The following HTR3C variants were observed in gnomAD, a reference collection of about 807,000 sequenced individuals.
HTR3C encodes the protein 5-HT3-C.
Under a neutral mutation model 40.5 loss-of-function variants are expected in HTR3C, and 32 were observed. That is an observed-to-expected ratio of 0.79 (90% CI 0.60 to 1.06). The LOEUF (loss-of-function observed/expected upper bound fraction) is 1.06, where lower values mean the gene tolerates loss of function less well. HTR3C is among the 50% of genes least tolerant of loss of function. The pLI, the probability that HTR3C is intolerant of heterozygous loss-of-function variation, is 0.00. For synonymous variants in HTR3C, 209 were observed against 217.1 expected (o/e 0.96, Z 0.33); for missense variants, 523 against 556.8 (o/e 0.94, Z 0.61).
rs756035153 is a variant in HTR3C at position 184,059,597 on chromosome 3, C to T, written c.882C>T (p.Leu294=). The change falls in exon 7 of 9, where the codon CTC becomes CTT. Residue 294 remains leucine (L), a synonymous_variant. Transcript: ENST00000318351. ...TGCTGGGCTACAACGTCTTCCTGCT[C>T]ATGATGAATGACTTGCTCCCTGCCA... ...TLLLGYNVFL[L]MMNDLLPASG... The T allele has an allele frequency of 1.9e-6, 3 of 1,614,128 alleles. No homozygotes were observed. The highest frequency in any genetic ancestry group is 2.2e-5 in the South Asian group (2 of 91,080).
At chr3:184,056,075 G>T (rs1723318604) in intron 3 of HTR3C, 102 bp from the exon 4 acceptor site, 1 of 731,848 alleles carries the variant, frequency 1.4e-6, no homozygotes, top group African/African-American at 1.7e-5. Context: ...GTCACAAATG[G>T]GAGTGGGAGG....
In HTR3C at chr3:184,060,304, C is replaced by T. The variant is rs763176551; in HGVS notation, c.1296C>T (p.Leu432=). ...CCCTGCTCTTCCGCCTCTACCTGCT[C>T]TTCATGGCCTCCTCCATCCTTACTG... ...MDTLLFRLYL[L]FMASSILTVI... is the part of the protein sequence containing the mutation. The change falls in exon 9 of 9, where the codon CTC becomes CTT. Residue 432 remains leucine, a synonymous_variant. Transcript: ENST00000318351. 1.3e-5 allele frequency: 21 copies of T among 1,614,096 alleles called. No individual in the cohort carries two copies. Among genetic ancestry groups the T allele is most frequent in the South Asian group, 3.3e-5 (3 of 91,088 alleles).
In HTR3C at chr3:184,055,884, C is replaced by CAAAAAAA. The variant is rs71185686; in HGVS notation, c.280-270_280-264dup. Among the ~76,000 whole-genome samples the CAAAAAAA allele has an allele frequency of 2.9e-3, 88 of 30,710 alleles. 25 individuals are homozygous for CAAAAAAA. The highest frequency in any genetic ancestry group is 7.4e-3 in the Admixed American group (11 of 1,484). 20.1% of individuals were successfully genotyped at this position (30,710 alleles called of 152,430 possible). ...TCTTAGGAAGGTTGAAATAGCAACT[C>CAAAAAAA]AAAAAAAAAAAAAAAAAAAAAAAAA... is the stretch of plus-strand genomic sequence containing the variant. On this transcript the variant is annotated intron_variant, in intron 3 of 8. Coordinates refer to ENST00000318351, the MANE Select transcript of HTR3C (RefSeq NM_130770.3).
chr3:184,053,293 TAGAA>T (rs941517743), intron 1 of HTR3C, 146 bp downstream of exon 1: 6 of 640,682 alleles, frequency 9.4e-6, no homozygotes, highest in African/African-American at 7.2e-5. Flanking sequence ...TGGTGACAGA[TAGAA>T]AGACAGTTCA....
At chr3:184,057,523 A>G (rs1421177293) in intron 5 of HTR3C, among the ~76,000 whole-genome samples, 1 of 152,218 alleles carries the variant, frequency 6.6e-6, no homozygotes, top group African/African-American at 2.4e-5. Flanking sequence ...ACACGAGGTC[A>G]GGAGATCGAG....
chr3:184,060,584 C>T lies in HTR3C; in HGVS notation c.*232C>T. On this transcript the variant is annotated 3_prime_UTR_variant, in exon 9 of 9. Coordinates refer to ENST00000318351, the MANE Select transcript of HTR3C (RefSeq NM_130770.3). ...GCTCACCCTCAGTCTCCCTGAGCTA[C>T]CACCTAACTCCTCACTCCCTGATCA... 1.7e-6 allele frequency: 1 copy of T among 582,926 alleles called. No homozygotes were observed. Among genetic ancestry groups the T allele is most frequent in the Non-Finnish European group, 3.1e-6 (1 of 327,422 alleles). The allele number at this position is 582,926 out of a possible 1,614,324, so 36.1% of individuals were successfully genotyped here.
chr3:184,055,946 C>T (rs1723315437), intron 3 of HTR3C, among the ~76,000 whole-genome samples: 1 of 136,918 alleles, frequency 7.3e-6, no homozygotes, highest in Non-Finnish European at 1.5e-5. Context: ...TGGTGTGGTC[C>T]TAACTCCAAG....
chr3:184,059,953 C>A lies in HTR3C; in HGVS notation c.1051C>A (p.Leu351Met), dbSNP rs374599768. The A allele has an allele frequency of 2.6e-5, 42 of 1,613,742 alleles. No individual in the cohort carries two copies. The Admixed American group carries it at 3.3e-4, about 13-fold the overall frequency. The change falls in exon 8 of 9, where the codon CTG (leucine) becomes ATG (methionine). Residue 351 changes from leucine to methionine, a missense_variant. Leu to Met is a conservative substitution (Grantham distance 15). Coordinates refer to ENST00000318351, the MANE Select transcript of HTR3C (RefSeq NM_130770.3). Reference sequence around the variant, plus strand: ...CATGCCTAGGTGGCTTCACTCCCTGCTGCTCCACTGCACCAGCCCAGGGAG... The same window carrying A: ...CATGCCTAGGTGGCTTCACTCCCTGATGCTCCACTGCACCAGCCCAGGGAG... ...PPMPRWLHSL[L>M]LHCTSPGRCC...
At chr3:184,059,678 C>T (rs753790660) in intron 7 of HTR3C, 38 bp downstream of exon 7, 1 of 1,610,170 alleles carries the variant, frequency 6.2e-7, no homozygotes, top group South Asian at 1.1e-5. Context: ...GAAAGGGCAC[C>T]CGGGGCCAGG....
chr3:184,053,660 T>C (rs1723267175), intron 1 of HTR3C, among the ~76,000 whole-genome samples: 1 of 152,206 alleles, frequency 6.6e-6, no homozygotes, highest in South Asian at 2.1e-4. Flanking sequence ...ATGATGGCGA[T>C]GGAGCAAAGA....
chr3:184,059,504 C>T lies in HTR3C; in HGVS notation c.789C>T (p.Ala263=). The T allele has an allele frequency of 6.2e-7, 1 of 1,614,164 alleles. No individual in the cohort carries two copies. The change falls in exon 7 of 9, where the codon GCC becomes GCT. Residue 263 remains alanine, a synonymous_variant. Coordinates refer to ENST00000318351, the MANE Select transcript of HTR3C (RefSeq NM_130770.3). ...TGGTGCCCAGTAGCTTTCTGGTTGC[C>T]ATTGATGCCCTCAGCTTCTACCTGC... ...NLLVPSSFLV[A]IDALSFYLPA...
intron 3 of HTR3C, among the ~76,000 whole-genome samples, chr3:184,055,662 C>A (rs149469813): frequency 1.6e-3 from 243 of 151,486 alleles, no homozygotes; most frequent in African/African-American, 5.5e-3. Flanking sequence ...TGCAGAGAGC[C>A]AAGATTGTGC....
At position 184,059,681 on chromosome 3, in the gene HTR3C, G is replaced by C. The variant is rs747195607; in HGVS notation, c.925+41G>C. On this transcript the variant is annotated intron_variant, in intron 7 of 8. Transcript: ENST00000318351. ...CTTTCAGGAGGAGAAAGGGCACCCG[G>C]GGCCAGGGAGGAGGGCCAGGAGAAA... is the stretch of plus-strand genomic sequence containing the variant. 7.5e-6 allele frequency: 12 copies of C among 1,609,042 alleles called. No homozygotes were observed. The South Asian group carries it at 1.3e-4, about 18-fold the overall frequency.
In HTR3C at chr3:184,060,505, G is replaced by A. The variant is rs1162715241; in HGVS notation, c.*153G>A. ...GACTCCAACGCAGCACTAGCAAGCA[G>A]GTTCGGGACAGCCCTGGACGATTTC... On this transcript the variant is annotated 3_prime_UTR_variant, in exon 9 of 9. Transcript: ENST00000318351. 6.2e-6 allele frequency: 6 copies of A among 972,172 alleles called. No individual in the cohort carries two copies. Among genetic ancestry groups the A allele is most frequent in the African/African-American group, 1.6e-5 (1 of 61,922 alleles). 60.2% of individuals were successfully genotyped at this position (972,172 alleles called of 1,614,324 possible). A position where few individuals can be genotyped will look rare whatever the true frequency, so the allele number is the denominator to read the frequency against.
intron 1 of HTR3C, among the ~76,000 whole-genome samples, chr3:184,053,712 G>A (rs946878449): frequency 1.3e-5 from 2 of 152,198 alleles, no homozygotes; most frequent in Non-Finnish European, 2.9e-5. Flanking sequence ...GGCCATGGCC[G>A]AGAGACAATA....
At chr3:184,054,267 C>G (rs1345155764) in intron 1 of HTR3C, among the ~76,000 whole-genome samples, 1 of 152,202 alleles carries the variant, frequency 6.6e-6, no homozygotes, top group Non-Finnish European at 1.5e-5. Context: ...CTCTTATCCT[C>G]TTGATAAATC....
At position 184,060,043 on chromosome 3, in the gene HTR3C, G is replaced by C; in HGVS notation, c.1141G>C (p.Gly381Arg). Residue 381 changes from glycine to arginine, a missense_variant and splice_region_variant, in exon 8 of 9, where the codon GGC (glycine) becomes CGC (arginine). Gly to Arg is a moderately radical substitution (Grantham distance 125). Coordinates refer to ENST00000318351, the MANE Select transcript of HTR3C (RefSeq NM_130770.3). ...GGGTCTCACCCTCACCCACCTGCCT[G>C]GTGAGGGAAGCCAGCACTGTCCATA... ...GLGLTLTHLP[G>R]PKEPGELAGK... 1 of 1,612,652 alleles carries C rather than the reference G, an allele frequency of 6.2e-7. No homozygotes were observed. The highest frequency in any genetic ancestry group is 8.5e-7 in the Non-Finnish European group (1 of 1,179,498).
In HTR3C at chr3:184,058,503, G is replaced by C. The variant is rs374934175; in HGVS notation, c.636G>C (p.Gln212His). The part of the protein sequence containing the change: ...TDTSRKVIQT[Q>H]GEWELLGINK... ...CGTCTCGCAAAGTCATCCAAACCCA[G>C]GGGGAGTGGGAGCTCTTGGGCATCA... is the stretch of plus-strand genomic sequence containing the variant. Residue 212 changes from glutamine to histidine, a missense_variant, in exon 6 of 9, where the codon CAG becomes CAC. Gln to His is a conservative substitution (Grantham distance 24). Transcript: ENST00000318351. 1 of 1,613,542 alleles carries C rather than the reference G, an allele frequency of 6.2e-7. No homozygotes were observed. Among genetic ancestry groups the C allele is most frequent in the Non-Finnish European group, 8.5e-7 (1 of 1,179,770 alleles).
chr3:184,058,454 A>G lies in HTR3C; in HGVS notation c.587A>G (p.Lys196Arg). Residue 196 changes from lysine to arginine, a missense_variant, in exon 6 of 9, where the codon AAG (lysine) becomes AGG (arginine). Coordinates refer to ENST00000318351, the MANE Select transcript of HTR3C (RefSeq NM_130770.3). The part of the protein sequence containing the change: ...TVDSMLLGMD[K>R]EVWEITDTSR... Reference sequence around the variant, plus strand: ...GACAGCATGCTGCTGGGCATGGACAAGGAGGTGTGGGAGATCACAGACACG... The same window carrying G: ...GACAGCATGCTGCTGGGCATGGACAGGGAGGTGTGGGAGATCACAGACACG... The G allele has an allele frequency of 6.2e-7, 1 of 1,612,380 alleles. No individual in the cohort carries two copies.
Sources: allele counts gnomAD v4.1 joint callset (sites outside exome capture counted in the v4.1 genomes callset), GRCh38; gene constraint gnomAD v4.1.1; transcripts MANE v1.5; gene names NCBI Gene and HGNC (gene_info 2026-07-23, HGNC 2026-07-21).